Variants in CYP19A1 observed in about 807,000 individuals in gnomAD.
CYP19A1 encodes the protein aromatase.
CYP19A1 carries 32 observed loss-of-function variants against 44.4 expected under a neutral mutation model. The ratio of observed to expected loss-of-function variants is 0.72; its 90% CI spans 0.54 to 0.97. CYP19A1 has a LOEUF of 0.97. Ranked by LOEUF, CYP19A1 falls within the 50% of genes least tolerant of loss-of-function variation. The pLI is 0.00. For missense variants in CYP19A1, 598 were observed against 637.8 expected (o/e 0.94, Z 0.67); for synonymous variants, 212 against 215.6 (o/e 0.98, Z 0.14).
At chr15:51,249,052 G>T in intron 1 of CYP19A1, among the ~76,000 whole-genome samples, 1 of 151,500 alleles carries the variant, frequency 6.6e-6, no homozygotes, top group East Asian at 1.9e-4. Context: ...CGATTCTCCT[G>T]CCTCGGCCTC....
intron 3 of CYP19A1, among the ~76,000 whole-genome samples, chr15:51,233,580 G>A (rs914469077): frequency 6.6e-6 from 1 of 152,152 alleles, no homozygotes; most frequent in African/African-American, 2.4e-5. Flanking sequence ...CTCAGTAAAT[G>A]TATATTCACA....
chr15:51,217,558 T>C (rs1240368997), intron 6 of CYP19A1, among the ~76,000 whole-genome samples: 2 of 152,200 alleles, frequency 1.3e-5, no homozygotes, highest in East Asian at 3.8e-4. Context: ...CTCTAGAAAC[T>C]AATATTATCG....
intron 1 of CYP19A1, among the ~76,000 whole-genome samples, chr15:51,270,369 A>C (rs1188817380): frequency 5.3e-5 from 8 of 152,204 alleles, no homozygotes; most frequent in African/African-American, 1.4e-4. Context: ...CGCCTTAAGC[A>C]AAAGCTTTTG....
At chr15:51,260,774 C>A (rs958333909) in intron 1 of CYP19A1, among the ~76,000 whole-genome samples, 1 of 152,168 alleles carries the variant, frequency 6.6e-6, no homozygotes, top group Non-Finnish European at 1.5e-5. Flanking sequence ...ATAGTCAAAT[C>A]ATATATTGCC....
intron 6 of CYP19A1, 93 bp from the exon 7 acceptor site, chr15:51,215,910 G>T: frequency 6.3e-7 from 1 of 1,587,132 alleles, no homozygotes; most frequent in Admixed American, 1.7e-5. Flanking sequence ...AAAATGATCT[G>T]CTTTAATTGA....
At chr15:51,222,622 C>A in intron 4 of CYP19A1, 97 bp from the exon 5 acceptor site, 1 of 920,994 alleles carries the variant, frequency 1.1e-6, no homozygotes, top group Non-Finnish European at 1.7e-6. Context: ...TAATTGTCCA[C>A]AATTTTTAAT....
At chr15:51,280,386 C>A (rs1053133722) in intron 1 of CYP19A1, among the ~76,000 whole-genome samples, 1 of 151,446 alleles carries the variant, frequency 6.6e-6, no homozygotes, top group Non-Finnish European at 1.5e-5. Context: ...GTGTGAGCCA[C>A]CACGCCCAGC....
chr15:51,241,928 CTTAAAG>C (rs1457752288), intron 2 of CYP19A1, among the ~76,000 whole-genome samples: 1 of 152,032 alleles, frequency 6.6e-6, no homozygotes, highest in East Asian at 1.9e-4. Flanking sequence ...TAACTATGCT[CTTAAAG>C]TCTCATTGGA....
At chr15:51,212,215 G>T in intron 9 of CYP19A1, 105 bp downstream of exon 9, 1 of 870,534 alleles carries the variant, frequency 1.1e-6, no homozygotes, top group Non-Finnish European at 2.0e-6. Flanking sequence ...GAGGGAATGA[G>T]TAAGAAAAAT....
chr15:51,237,076 C>A, intron 2 of CYP19A1, 67 bp from the exon 3 acceptor site: 1 of 1,569,154 alleles, frequency 6.4e-7, no homozygotes, highest in Non-Finnish European at 8.7e-7. Context: ...TTTTGTGTTA[C>A]TCCTGTTTTT....
intron 1 of CYP19A1, chr15:51,323,709 T>A: frequency 6.6e-6 from 1 of 152,260 alleles, no homozygotes; most frequent in Middle Eastern, 3.2e-3. Flanking sequence ...GTCATCTTCA[T>A]CTCAGCCCTG....
intron 1 of CYP19A1, among the ~76,000 whole-genome samples, chr15:51,301,545 A>T (rs1230119525): frequency 6.6e-6 from 1 of 152,182 alleles, no homozygotes; most frequent in Non-Finnish European, 1.5e-5. Context: ...AGCCCTGCAT[A>T]CTGACCCCTA....
rs114695775 is a variant in CYP19A1, at chr15:51,336,834, G to A, written c.-39+1661C>T. Among the ~76,000 whole-genome samples the A allele has an allele frequency of 6.5e-3, 982 of 152,100 alleles. 12 individuals are homozygous for A. The highest frequency in any genetic ancestry group is 0.023 in the African/African-American group (947 of 41,504). ...TTGGCTGCTTTGGTCTCCAAAAAAA[G>A]GGAATTGAGATATCTCCCTGTGTCC... is the stretch of plus-strand genomic sequence containing the variant. On this transcript the variant is annotated intron_variant, in intron 1 of 9. Transcript: ENST00000396402.
intron 1 of CYP19A1, among the ~76,000 whole-genome samples, chr15:51,311,784 C>T (rs1008043482): frequency 1.3e-5 from 2 of 152,176 alleles, no homozygotes; most frequent in Non-Finnish European, 2.9e-5. Context: ...AGGAGTCAGA[C>T]CTCTGGGGAT....
chr15:51,313,993 C>T (rs1447994673), intron 1 of CYP19A1: 1 of 152,076 alleles, frequency 6.6e-6, no homozygotes, highest in African/African-American at 2.4e-5. Context: ...TGCTGTCAGA[C>T]AGACTTAGGT....
intron 1 of CYP19A1, among the ~76,000 whole-genome samples, chr15:51,294,648 G>T (rs868207610): frequency 2.3e-5 from 3 of 132,812 alleles, no homozygotes; most frequent in Non-Finnish European, 4.8e-5. Context: ...TCAGCCCCCC[G>T]CCCGGCCAGC....
chr15:51,310,544 C>A (rs140278685), intron 1 of CYP19A1, among the ~76,000 whole-genome samples: 32 of 152,196 alleles, frequency 2.1e-4, no homozygotes, highest in Non-Finnish European at 4.6e-4. Context: ...CAAACTGTAT[C>A]GCCATCACCT....
At chr15:51,238,236 A>C (rs1031940064) in intron 2 of CYP19A1, among the ~76,000 whole-genome samples, 5 of 152,262 alleles carry the variant, frequency 3.3e-5, no homozygotes, top group African/African-American at 4.8e-5. Context: ...TACATTATAC[A>C]GTAGATGACT....
At chr15:51,262,283 G>A (rs1053007837) in intron 1 of CYP19A1, among the ~76,000 whole-genome samples, 1 of 152,192 alleles carries the variant, frequency 6.6e-6, no homozygotes, top group Admixed American at 6.5e-5. Flanking sequence ...CTGGCTTGCT[G>A]TCAATAAATA....
Sources: gnomAD v4.1 joint callset for allele counts (sites outside exome capture counted in the v4.1 genomes callset) on GRCh38, gnomAD v4.1.1 for gene constraint, MANE v1.5 for transcripts, NCBI Gene and HGNC (gene_info 2026-07-23, HGNC 2026-07-21) for gene names.